KLHL15: variants seen among roughly 807,000 people sequenced by gnomAD.
KLHL15 encodes the protein kelch-like protein 15.
Under a neutral mutation model 29.3 loss-of-function variants are expected in KLHL15, and 1 was observed. That is an observed-to-expected ratio of 0.03 (90% CI 0.01 to 0.16). The LOEUF (loss-of-function observed/expected upper bound fraction) is 0.16, where lower values mean the gene tolerates loss of function less well. Among genes scored for constraint, KLHL15 ranks in the 10% least tolerant of loss-of-function variants. The pLI, the probability that KLHL15 is intolerant of heterozygous loss-of-function variation, is 1.00. For synonymous variants in KLHL15, 212 were observed against 184.5 expected, an observed-to-expected ratio of 1.15 and a Z score of -1.21; for missense variants, 215 against 478.5, an observed-to-expected ratio of 0.45 and a Z score of 5.14.
At chrX:23,989,450 C>T (rs1326467475) in intron 3 of KLHL15, among the ~76,000 whole-genome samples, 1 of 111,795 alleles carries the variant, frequency 8.9e-6, no homozygotes, top group Non-Finnish European at 1.9e-5. Context: ...GCTGGGATTA[C>T]AGGCGTGAGC....
chrX:23,998,317 C>T (rs771931418), intron 3 of KLHL15, among the ~76,000 whole-genome samples: 260 of 109,565 alleles, frequency 2.4e-3, no homozygotes, highest in African/African-American at 8.3e-3. Flanking sequence ...AGTGCAGTGG[C>T]GCGATCTTGG....
chrX:23,998,836 C>A (rs1334428612), intron 3 of KLHL15, among the ~76,000 whole-genome samples: 1 of 111,911 alleles, frequency 8.9e-6, no homozygotes, highest in Non-Finnish European at 1.9e-5. Context: ...ACTCTCTGAT[C>A]CTTTTCAATT....
At chrX:23,989,110 C>A (rs1929032466) in intron 3 of KLHL15, 80 bp from the exon 4 acceptor site, 1 of 814,662 alleles carries the variant, frequency 1.2e-6, no homozygotes, top group Admixed American at 3.4e-5. Flanking sequence ...CTAATACGAT[C>A]ATCTTAGGCT....
intron 3 of KLHL15, among the ~76,000 whole-genome samples, chrX:24,001,861 C>T (rs368182002): frequency 3.1e-5 from 3 of 97,021 alleles, no homozygotes; most frequent in African/African-American, 3.8e-5. Flanking sequence ...AGGTCGGGCG[C>T]GGTGGCTCAC....
At chrX:24,000,503 T>C (rs1929292010) in intron 3 of KLHL15, among the ~76,000 whole-genome samples, 1 of 111,662 alleles carries the variant, frequency 9.0e-6, no homozygotes, top group South Asian at 3.7e-4. Flanking sequence ...AGTTTGTTAG[T>C]GTCAAACACA....
intron 2 of KLHL15, among the ~76,000 whole-genome samples, chrX:24,007,211 G>A (rs779829874): frequency 8.4e-5 from 9 of 107,390 alleles, no homozygotes; most frequent in African/African-American, 2.7e-4. Context: ...TATATATGTC[G>A]GCTGGGCGCG....
chrX:23,997,433 G>A (rs1307333153), intron 3 of KLHL15, among the ~76,000 whole-genome samples: 1 of 110,040 alleles, frequency 9.1e-6, no homozygotes, highest in African/African-American at 3.3e-5. Context: ...GCAAAACCTC[G>A]TCTCTAAAAA....
chrX:23,997,461 G>A (rs1303212444), intron 3 of KLHL15, among the ~76,000 whole-genome samples: 1 of 109,944 alleles, frequency 9.1e-6, no homozygotes, highest in Non-Finnish European at 1.9e-5. Flanking sequence ...TTTTTGGCCA[G>A]GCGGGGTGGC....
intron 2 of KLHL15, among the ~76,000 whole-genome samples, chrX:24,018,789 C>T (rs982146876): frequency 9.0e-6 from 1 of 111,240 alleles, no homozygotes; most frequent in Non-Finnish European, 1.9e-5. Flanking sequence ...ATCACTTGAG[C>T]TCAGGAGTTC....
chrX:24,010,121 C>T (rs1042376172), intron 2 of KLHL15, among the ~76,000 whole-genome samples: 1 of 111,258 alleles, frequency 9.0e-6, no homozygotes. Flanking sequence ...CTACAACCTC[C>T]CCACTTATTC....
rs763508042 is a variant in KLHL15, at chrX:23,988,029, C to G, written c.1707G>C (p.Lys569Asn). 8.3e-7 allele frequency: 1 copy of G among 1,209,723 alleles called. No individual in the cohort carries two copies. Among genetic ancestry groups the G allele is most frequent in the Non-Finnish European group, 1.1e-6 (1 of 895,130 alleles). Residue 569 changes from lysine (K) to asparagine (N), a missense_variant, in exon 4 of 4, where the codon AAG (lysine) becomes AAC (asparagine). Transcript: ENST00000328046. ...TCCGAGGGTACTCATCTTCCTTCCA[C>G]TTGTTTTCATCCGGATCAAAAGTGA... ...SILTFDPDEN[K>N]WKEDEYPRMP... is the part of the protein sequence containing the mutation.
rs1471242942 is a variant in KLHL15, at chrX:23,995,681, T to C, written c.706-6651A>G. On this transcript the variant is annotated intron_variant, in intron 3 of 3. Coordinates refer to ENST00000328046, the MANE Select transcript of KLHL15 (RefSeq NM_030624.3). ...ACATCATGATCTGCCTGCCTCAGCC[T>C]TCCGAAGTACTGGGATTACAGGCAT... Among the ~76,000 whole-genome samples, 2 of 111,150 alleles carry C rather than the reference T, an allele frequency of 1.8e-5. 1 individual carries two copies. The highest frequency in any genetic ancestry group is 1.9e-4 in the Admixed American group (2 of 10,289).
Position 23,985,192 on chromosome X carries a change from T to C in KLHL15, c.*2729A>G, listed in dbSNP as rs778882055. 2 of 111,493 alleles carry C rather than the reference T, an allele frequency of 1.8e-5. No individual in the cohort carries two copies. The highest frequency in any genetic ancestry group is 2.8e-4 in the East Asian group (1 of 3,587). 9.2% of individuals were successfully genotyped at this position (111,493 alleles called of 1,213,427 possible). On this transcript the variant is annotated 3_prime_UTR_variant, in exon 4 of 4. Coordinates refer to ENST00000328046, the MANE Select transcript of KLHL15 (RefSeq NM_030624.3). ...GAACTCTGGCATTTGAGATATAAAG[T>C]GAAAACAACACGCATAAAGGTCATA...
intron 3 of KLHL15, among the ~76,000 whole-genome samples, chrX:23,997,561 T>A (rs1313094849): frequency 1.9e-5 from 2 of 105,155 alleles, no homozygotes; most frequent in Non-Finnish European, 3.9e-5. Context: ...TAAAACCACA[T>A]CTCTACTAAA....
At chrX:24,017,032 G>A (rs1476008733) in intron 2 of KLHL15, among the ~76,000 whole-genome samples, 2 of 109,749 alleles carry the variant, frequency 1.8e-5, no homozygotes, top group African/African-American at 3.3e-5. Context: ...TCTAGCCTGC[G>A]CAACATATCA....
chrX:24,002,983 T>C (rs1292341995), intron 3 of KLHL15, among the ~76,000 whole-genome samples: 2 of 112,865 alleles, frequency 1.8e-5, no homozygotes, highest in Non-Finnish European at 3.7e-5. Context: ...CTCTGTAACA[T>C]ACACTTGCCC....
intron 1 of KLHL15, among the ~76,000 whole-genome samples, chrX:24,026,302 T>C (rs1340997124): frequency 8.9e-6 from 1 of 112,448 alleles, no homozygotes; most frequent in African/African-American, 3.2e-5. Flanking sequence ...GTCAAAATAA[T>C]CAAGAACGAA....
At chrX:23,990,773 C>G (rs944276479) in intron 3 of KLHL15, among the ~76,000 whole-genome samples, 4 of 110,397 alleles carry the variant, frequency 3.6e-5, no homozygotes, top group South Asian at 3.9e-4. Flanking sequence ...CTTCCTCCCC[C>G]CCCTTCCTTC....
In KLHL15 at chrX:24,016,368, A is replaced by T. The variant is rs5970820; in HGVS notation, c.-8+8489T>A. On this transcript the variant is annotated intron_variant, in intron 2 of 3. Coordinates refer to ENST00000328046, the MANE Select transcript of KLHL15 (RefSeq NM_030624.3). ...AAAAAAAAAAAAAAAAAAAAAAAAAAGGGGGGGTATACTTGGCCAGGTGCA... is the reference window on the plus strand; with the variant it reads ...AAAAAAAAAAAAAAAAAAAAAAAAATGGGGGGGTATACTTGGCCAGGTGCA... Among the ~76,000 whole-genome samples the T allele has an allele frequency of 6.0e-4, 46 of 76,513 alleles. 1 individual carries two copies. In the South Asian group the frequency reaches 9.1e-3, roughly 15 times the overall value. 66.4% of individuals were successfully genotyped at this position (76,513 alleles called of 115,157 possible). A position where few individuals can be genotyped will look rare whatever the true frequency, so the allele number is the denominator to read the frequency against.
Sources: allele counts gnomAD v4.1 joint callset (sites outside exome capture counted in the v4.1 genomes callset), GRCh38; gene constraint gnomAD v4.1.1; transcripts MANE v1.5; gene names NCBI Gene and HGNC (gene_info 2026-07-23, HGNC 2026-07-21).